CFAP46: variants seen among roughly 807,000 people sequenced by gnomAD.
CFAP46 encodes the protein cilia and flagella associated protein 46, also known as cilia- and flagella-associated protein 46.
Under a neutral mutation model 325.7 loss-of-function variants are expected in CFAP46, and 245 were observed. That is an observed-to-expected ratio of 0.75 (90% CI 0.68 to 0.84). The LOEUF is 0.84. Among genes scored for constraint, CFAP46 ranks in the 40% least tolerant of loss-of-function variants. The pLI is 0.00. For missense variants in CFAP46, 3,346 were observed against 3,543.0 expected (o/e 0.94, Z 1.41); for synonymous variants, 1,523 against 1,495.9 (o/e 1.02, Z -0.42).
chr10:132,912,921 G>A (rs878898981), intron 18 of CFAP46, 101 bp from the exon 19 acceptor site: 10 of 1,483,542 alleles, frequency 6.7e-6, no homozygotes, highest in South Asian at 6.3e-5. Context: ...TGAGATGCAC[G>A]GGTGCCCACG....
intron 8 of CFAP46, among the ~76,000 whole-genome samples, chr10:132,933,409 C>T (rs544588839): frequency 2.0e-5 from 3 of 152,376 alleles, no homozygotes; most frequent in South Asian, 2.1e-4. Flanking sequence ...CAAGACCTCT[C>T]GTCGGAGCGC....
intron 55 of CFAP46, among the ~76,000 whole-genome samples, chr10:132,811,750 T>G (rs1478925493): frequency 1.3e-5 from 2 of 152,192 alleles, no homozygotes; most frequent in Non-Finnish European, 2.9e-5. Context: ...AGAGGCCCAT[T>G]TCTAACTCCA....
At chr10:132,912,604 CCTCTCTCTCTCTCT>C (rs59827475) in intron 19 of CFAP46, 37 bp downstream of exon 19, 385 of 1,322,822 alleles carry the variant, frequency 2.9e-4, no homozygotes, top group African/African-American at 7.6e-4. Context: ...TCTCCTCTCT[CCTCTCTCTCTCTCT>C]CTCTCTCTCT....
In CFAP46 at chr10:132,894,330, G is replaced by A. The variant is rs182177186; in HGVS notation, c.3220-1913C>T. On this transcript the variant is annotated intron_variant, in intron 24 of 57. Coordinates refer to ENST00000368586, the MANE Select transcript of CFAP46 (RefSeq NM_001200049.3). ...AATCAATGTGATGAAAAGCACATTA[G>A]ATAAAACTTACGGGAGGCAGTGAGA... 1.1e-3 allele frequency among the ~76,000 whole-genome samples: 172 copies of A among 152,284 alleles called. 2 individuals are homozygous for A. Among genetic ancestry groups the A allele is most frequent in the African/African-American group, 3.8e-3 (156 of 41,540 alleles).
In CFAP46 at chr10:132,833,436, C is replaced by T. The variant is rs774842789; in HGVS notation, c.7039G>A (p.Asp2347Asn). Reference protein sequence around the residue: ...ELPLEGLSVFDEGTISSVSRE... With the variant: ...ELPLEGLSVFNEGTISSVSRE... ...GACACAGAGGAAATTGTCCCTTCAT[C>T]GAACACAGAGAGACCTTCCAGTGGC... Residue 2347 changes from aspartate (D) to asparagine (N), a missense_variant, in exon 50 of 58, where the codon GAT becomes AAT. Coordinates refer to ENST00000368586, the MANE Select transcript of CFAP46 (RefSeq NM_001200049.3). 1.2e-6 allele frequency: 2 copies of T among 1,614,072 alleles called. No homozygotes were observed. The highest frequency in any genetic ancestry group is 1.3e-5 in the African/African-American group (1 of 74,928).
At chr10:132,858,579 C>T (rs1355460929) in intron 38 of CFAP46, among the ~76,000 whole-genome samples, 2 of 152,058 alleles carry the variant, frequency 1.3e-5, no homozygotes, top group Non-Finnish European at 2.9e-5. Flanking sequence ...GGAGCAGCCC[C>T]TGAGATGCCG....
intron 24 of CFAP46, among the ~76,000 whole-genome samples, chr10:132,895,167 G>C (rs1349178210): frequency 6.6e-6 from 1 of 152,210 alleles, no homozygotes; most frequent in Non-Finnish European, 1.5e-5. Flanking sequence ...AGATCAGTCA[G>C]CGTGATGCAC....
chr10:132,916,509 G>A, intron 17 of CFAP46, 40 bp downstream of exon 17: 1 of 1,535,354 alleles, frequency 6.5e-7, no homozygotes, highest in Non-Finnish European at 8.8e-7. Flanking sequence ...CTGACCCACG[G>A]CCCCGGGCGG....
intron 57 of CFAP46, among the ~76,000 whole-genome samples, chr10:132,809,446 G>A (rs566938172): frequency 6.6e-6 from 1 of 152,362 alleles, no homozygotes; most frequent in East Asian, 1.9e-4. Context: ...AGGGATGAGT[G>A]TGGGTTCCGT....
intron 24 of CFAP46, among the ~76,000 whole-genome samples, chr10:132,898,083 C>G (rs182428810): frequency 6.6e-6 from 1 of 152,342 alleles, no homozygotes; most frequent in East Asian, 1.9e-4. Context: ...TGGCTGACTC[C>G]TGATTCCTGG....
At chr10:132,941,218 G>A (rs1389678284) in intron 3 of CFAP46, among the ~76,000 whole-genome samples, 158 bp from the exon 4 acceptor site, 2 of 152,126 alleles carry the variant, frequency 1.3e-5, no homozygotes, top group South Asian at 2.1e-4. Flanking sequence ...CCTGAGTGTC[G>A]TGGCGAGGTC....
chr10:132,862,206 G>C (rs1209415317), intron 35 of CFAP46, among the ~76,000 whole-genome samples: 3 of 152,206 alleles, frequency 2.0e-5, no homozygotes, highest in Non-Finnish European at 2.9e-5. Context: ...GGGGCTGCAG[G>C]CCTCTGAGGA....
chr10:132,930,621 G>A (rs1849882245), intron 8 of CFAP46, among the ~76,000 whole-genome samples: 1 of 94,180 alleles, frequency 1.1e-5, no homozygotes, highest in Non-Finnish European at 2.1e-5. Context: ...CAGAGCCTGG[G>A]CCTCCCTCCT....
chr10:132,891,567 C>A (rs1257361258), intron 25 of CFAP46, among the ~76,000 whole-genome samples: 1 of 152,226 alleles, frequency 6.6e-6, no homozygotes, highest in African/African-American at 2.4e-5. Context: ...TGAAGGGGCC[C>A]GCACAGCTGT....
At chr10:132,833,974 A>G (rs1848195023) in intron 49 of CFAP46, 67 bp downstream of exon 49, 1 of 1,471,040 alleles carries the variant, frequency 6.8e-7, no homozygotes, top group African/African-American at 1.4e-5. Context: ...GGGTGGGTGG[A>G]TCCCAACCCC....
chr10:132,834,404 T>G (rs1220718737), intron 48 of CFAP46, among the ~76,000 whole-genome samples: 2 of 152,110 alleles, frequency 1.3e-5, no homozygotes, highest in Non-Finnish European at 2.9e-5. Flanking sequence ...TGGAGGTGCT[T>G]GCCCTCCCAC....
rs1449960410 is a variant in CFAP46, at chr10:132,817,883, G to A, written c.7118-2969C>T. Among the ~76,000 whole-genome samples, 4 of 152,244 alleles carry A rather than the reference G, an allele frequency of 2.6e-5. No individual in the cohort carries two copies. Among genetic ancestry groups the A allele is most frequent in the Non-Finnish European group, 4.4e-5 (3 of 68,042 alleles). ...GGTCACAGTGAACGGCGTCGGCCGCGCTCTGCCTGGAGGCTCCCGGGGAGA... is the reference window on the plus strand; with the variant it reads ...GGTCACAGTGAACGGCGTCGGCCGCACTCTGCCTGGAGGCTCCCGGGGAGA... On this transcript the variant is annotated intron_variant, in intron 50 of 57. Coordinates refer to ENST00000368586, the MANE Select transcript of CFAP46 (RefSeq NM_001200049.3). This position sits in a 1 kb window ranked among gnomAD's most constrained non-coding sequence, Gnocchi z 4.4.
intron 7 of CFAP46, among the ~76,000 whole-genome samples, chr10:132,936,187 C>T (rs571027287): frequency 8.3e-6 from 1 of 119,826 alleles, no homozygotes; most frequent in Non-Finnish European, 1.8e-5. Context: ...TCACTCCCCT[C>T]AGCCCCCAAA....
chr10:132,908,627 T>C lies in CFAP46; in HGVS notation c.2765A>G (p.Lys922Arg). 2.6e-6 allele frequency: 4 copies of C among 1,534,938 alleles called. No individual in the cohort carries two copies. Among genetic ancestry groups the C allele is most frequent in the Non-Finnish European group, 3.5e-6 (4 of 1,138,134 alleles). ...FTVPSLAQLV[K>R]MASECNWSDP... Reference sequence around the variant, plus strand: ...CGACCAGTTGCACTCGGAAGCCATTTTCACCAACTTCCGGTGGGTGGCAAG... The same window carrying C: ...CGACCAGTTGCACTCGGAAGCCATTCTCACCAACTTCCGGTGGGTGGCAAG... The change falls in exon 22 of 58, where the codon AAA becomes AGA. Residue 922 changes from lysine (K) to arginine (R), a missense_variant. Transcript: ENST00000368586.
Sources: gnomAD v4.1 joint callset for allele counts (sites outside exome capture counted in the v4.1 genomes callset) on GRCh38, gnomAD v4.1.1 for gene constraint, Gnocchi (gnomAD v3.1) non-coding constraint, MANE v1.5 for transcripts, NCBI Gene and HGNC (gene_info 2026-07-23, HGNC 2026-07-21) for gene names.